The following KIAA1217 variants were observed in gnomAD, a reference collection of about 807,000 sequenced individuals.
KIAA1217 encodes the protein KIAA1217.
In KIAA1217, 88 loss-of-function variants were observed where a neutral mutation model predicts 163.9. That is an observed-to-expected ratio of 0.54 (90% confidence interval 0.45 to 0.64). KIAA1217 has a LOEUF of 0.64. KIAA1217 is among the 30% of genes least tolerant of loss of function. The pLI, the probability that KIAA1217 is intolerant of heterozygous loss-of-function variation, is 0.00. For missense variants in KIAA1217, 2,372 were observed against 2,475.0 expected, an observed-to-expected ratio of 0.96 and a Z score of 0.88; for synonymous variants, 903 against 923.1, an observed-to-expected ratio of 0.98 and a Z score of 0.39.
intron 1 of KIAA1217, among the ~76,000 whole-genome samples, chr10:23,836,029 G>A (rs1838431438): frequency 6.6e-6 from 1 of 152,018 alleles, no homozygotes; most frequent in Non-Finnish European, 1.5e-5. Flanking sequence ...TTAAAATGGG[G>A]TCATTATTGT....
chr10:24,546,196 T>C lies in KIAA1217; in HGVS notation c.5704T>C (p.Ser1902Pro). The part of the protein sequence containing the change: ...SFSSSPPSPA[S>P]SVSLNQGAKG... ...TTCCTCCTCCCCTCCTTCTCCTGCC[T>C]CCTCCGTCTCACTGAATCAAGGTGC... Residue 1902 changes from serine (S) to proline (P), a missense_variant, in exon 21 of 21, where the codon TCC (serine) becomes CCC (proline). Ser to Pro is a moderately conservative substitution (Grantham distance 74, BLOSUM62 -1). Transcript: ENST00000376454. 6.2e-7 allele frequency: 1 copy of C among 1,614,088 alleles called. No homozygotes were observed. The highest frequency in any genetic ancestry group is 8.5e-7 in the Non-Finnish European group (1 of 1,180,020).
chr10:24,346,420 C>T (rs1229974415), intron 2 of KIAA1217, among the ~76,000 whole-genome samples: 1 of 151,448 alleles, frequency 6.6e-6, no homozygotes, highest in African/African-American at 2.4e-5. Flanking sequence ...TGCAGTGAGC[C>T]GAGATCGTGC....
Position 23,790,089 on chromosome 10 carries a change from GCATATACA to G in KIAA1217, c.-321+94869_-321+94876del, listed in dbSNP as rs1156736576. 6.4e-5 allele frequency among the ~76,000 whole-genome samples: 5 copies of G among 77,838 alleles called. 1 individual carries two copies. The highest frequency in any genetic ancestry group is 3.3e-4 in the East Asian group (1 of 3,042). 51.1% of individuals were successfully genotyped at this position (77,838 alleles called of 152,430 possible). A position where few individuals can be genotyped will look rare whatever the true frequency, so the allele number is the denominator to read the frequency against. On this transcript the variant is annotated intron_variant, in intron 1 of 18. Transcript: ENST00000376462. ...TATGCATATACACATATACACATATGCATATACACATATACACATATGCATATACACAT... is the reference window on the plus strand; with the variant it reads ...TATGCATATACACATATACACATATGCATATACACATATGCATATACACAT...
chr10:24,334,014 A>T (rs944238490), intron 2 of KIAA1217, among the ~76,000 whole-genome samples: 6 of 152,326 alleles, frequency 3.9e-5, no homozygotes, highest in Non-Finnish European at 7.3e-5. Context: ...AAAAGAAGAG[A>T]GTATGACTAT....
chr10:24,138,696 C>T (rs1234085067), intron 2 of KIAA1217, among the ~76,000 whole-genome samples: 1 of 151,622 alleles, frequency 6.6e-6, no homozygotes, highest in African/African-American at 2.4e-5. Flanking sequence ...CCACTTCCCC[C>T]TATCTGGAAT....
chr10:24,476,916 C>T (rs2064115347), intron 6 of KIAA1217, among the ~76,000 whole-genome samples: 1 of 152,054 alleles, frequency 6.6e-6, no homozygotes. Context: ...CACATTCTCT[C>T]TACATTTAGA....
chr10:24,225,041 G>A lies in KIAA1217; in HGVS notation c.354+5132G>A, dbSNP rs571872113. Among the ~76,000 whole-genome samples the A allele has an allele frequency of 5.3e-5, 8 of 152,074 alleles. No homozygotes were observed. In the East Asian group the frequency reaches 1.4e-3, roughly 26 times the overall value. On this transcript the variant is annotated intron_variant, in intron 2 of 20. Coordinates refer to ENST00000376454, the MANE Select transcript of KIAA1217 (RefSeq NM_019590.5). ...CGGGGTTCACTGTGTTAGCCAGGAT[G>A]GTCTCGATCTCCTGACATTGTGATC...
At chr10:23,980,860 C>G (rs1032285942) in intron 1 of KIAA1217, among the ~76,000 whole-genome samples, 1 of 152,170 alleles carries the variant, frequency 6.6e-6, no homozygotes, top group Admixed American at 6.5e-5. Context: ...TAGCTATCTC[C>G]TCCAATTCTC....
chr10:24,362,946 AG>A lies in KIAA1217; in HGVS notation c.355-17922del, dbSNP rs748993606. 7.4e-3 allele frequency among the ~76,000 whole-genome samples: 1,072 copies of A among 145,808 alleles called. 20 individuals are homozygous for A. Among genetic ancestry groups the A allele is most frequent in the African/African-American group, 0.024 (966 of 39,530 alleles). The stretch of plus-strand genomic sequence containing the variant: ...CTGTCTCAAATTTAATTAAAAAAAA[AG>A]AAGAAGAAGAAAAGAAAATCTTTAA... On this transcript the variant is annotated intron_variant, in intron 2 of 20. Coordinates refer to ENST00000376454, the MANE Select transcript of KIAA1217 (RefSeq NM_019590.5).
chr10:24,399,896 G>A (rs1437642821), intron 3 of KIAA1217, among the ~76,000 whole-genome samples: 1 of 152,120 alleles, frequency 6.6e-6, no homozygotes, highest in Admixed American at 6.5e-5. Context: ...GTTTGAAAGC[G>A]ATGAAAGGAA....
intron 2 of KIAA1217, among the ~76,000 whole-genome samples, chr10:24,347,508 T>G (rs2047935596): frequency 6.6e-6 from 1 of 152,182 alleles, no homozygotes; most frequent in Non-Finnish European, 1.5e-5. Flanking sequence ...TTGACTACCC[T>G]TGACACTAGG....
At chr10:24,480,939 GACAAGCT>G (rs2064602997) in intron 6 of KIAA1217, among the ~76,000 whole-genome samples, 1 of 152,152 alleles carries the variant, frequency 6.6e-6, no homozygotes. Context: ...GGGGCAAAAA[GACAAGCT>G]AGGTTCAGGG....
At chr10:23,937,138 G>A (rs1157456667) in intron 1 of KIAA1217, among the ~76,000 whole-genome samples, 1 of 152,198 alleles carries the variant, frequency 6.6e-6, no homozygotes, top group Non-Finnish European at 1.5e-5. Flanking sequence ...GCCTCCCAAA[G>A]TGCTGGGATT....
chr10:24,145,584 A>G (rs1279421696), intron 2 of KIAA1217, among the ~76,000 whole-genome samples: 1 of 152,232 alleles, frequency 6.6e-6, no homozygotes, highest in Non-Finnish European at 1.5e-5. Context: ...ATTACGGAGT[A>G]TTGACTCACG....
intron 1 of KIAA1217, among the ~76,000 whole-genome samples, chr10:23,918,733 T>TATATATATAC (rs769797460): frequency 4.7e-5 from 7 of 147,478 alleles, no homozygotes; most frequent in African/African-American, 1.3e-4. Flanking sequence ...ATTAAATATA[T>TATATATATAC]ACACACACAC....
chr10:24,271,336 A>G (rs1288063704), intron 2 of KIAA1217, among the ~76,000 whole-genome samples: 1 of 152,046 alleles, frequency 6.6e-6, no homozygotes, highest in Admixed American at 6.6e-5. Flanking sequence ...TATTGAAAAA[A>G]CCTCACAATA....
In KIAA1217 at chr10:24,513,249, G is replaced by C; in HGVS notation, c.2002-10G>C. The C allele has an allele frequency of 6.2e-7, 1 of 1,610,774 alleles. No homozygotes were observed. Among genetic ancestry groups the C allele is most frequent in the Non-Finnish European group, 8.5e-7 (1 of 1,178,738 alleles). On this transcript the variant is annotated splice_polypyrimidine_tract_variant and intron_variant, in intron 9 of 20. Transcript: ENST00000376454. ...AGAGCCCACTGAGGTTGATTTTTTT[G>C]TGTTCACAGCTGCAGAACCAGGAGT...
In KIAA1217 at chr10:24,546,023, C is replaced by T. The variant is rs1354259088; in HGVS notation, c.5531C>T (p.Thr1844Ile). The T allele has an allele frequency of 3.1e-6, 5 of 1,614,094 alleles. No individual in the cohort carries two copies. The highest frequency in any genetic ancestry group is 1.7e-6 in the Non-Finnish European group (2 of 1,180,040). Residue 1844 changes from threonine to isoleucine, a missense_variant, in exon 21 of 21, where the codon ACA (threonine) becomes ATA (isoleucine). Thr to Ile is a moderately conservative substitution (Grantham distance 89). Transcript: ENST00000376454. ...SIASNPLSPQ[T>I]GPPAHSASLI... is the part of the protein sequence containing the mutation. ...GCTTCTAACCCTCTCAGCCCCCAAA[C>T]AGGACCACCTGCTCACTCTGCCTCC...
upstream of KIAA1217, among the ~76,000 whole-genome samples, chr10:24,204,539 CATT>C (rs1159042434): frequency 6.6e-6 from 1 of 152,148 alleles, no homozygotes; most frequent in East Asian, 1.9e-4. Flanking sequence ...CAAACAGTAT[CATT>C]ATGTTCCCCT....
Sources: allele counts gnomAD v4.1 joint callset (sites outside exome capture counted in the v4.1 genomes callset), GRCh38; gene constraint gnomAD v4.1.1; transcripts MANE v1.5; gene names NCBI Gene and HGNC (gene_info 2026-07-23, HGNC 2026-07-21).